Variants in CCDC14 observed in about 807,000 individuals in gnomAD.
The protein encoded by CCDC14 is coiled-coil domain-containing protein 14.
CCDC14 carries 71 observed loss-of-function variants against 81.4 expected under a neutral mutation model. That is an observed-to-expected ratio of 0.87 (90% CI 0.72 to 1.06). The LOEUF is 1.06. Among genes scored for constraint, CCDC14 ranks in the 50% least tolerant of loss-of-function variants. The pLI is 0.00. For synonymous variants in CCDC14, 332 were observed against 364.8 expected (o/e 0.91, Z 1.03); for missense variants, 1,046 against 1,047.3 (o/e 1.00, Z 0.02).
chr3:123,948,652 A>C, intron 7 of CCDC14, 39 bp downstream of exon 7: 1 of 1,443,736 alleles, frequency 6.9e-7, no homozygotes, highest in South Asian at 1.3e-5. Context: ...GACTGCTATA[A>C]GCAAATAGTT....
chr3:123,898,072 G>C (rs553804241), intron 5 of CCDC14, among the ~76,000 whole-genome samples: 3 of 152,332 alleles, frequency 2.0e-5, no homozygotes, highest in Admixed American at 2.0e-4. Flanking sequence ...GATAAGTAGT[G>C]CATTTCTACC....
chr3:123,893,526 GA>G (rs1407173902), downstream of CCDC14, among the ~76,000 whole-genome samples: 1 of 152,074 alleles, frequency 6.6e-6, no homozygotes, highest in Non-Finnish European at 1.5e-5. Flanking sequence ...TGCATAATAT[GA>G]ATATTGGCAT....
In CCDC14 at chr3:123,914,908, G is replaced by A. The variant is rs1242406194; in HGVS notation, c.2589C>T (p.Asp863=). ...ACGTTGAAAACGAAGAGATGCTCCAGTCAGACATCAAGTCAGAAGTGAAAA... is the reference window on the plus strand; with the variant it reads ...ACGTTGAAAACGAAGAGATGCTCCAATCAGACATCAAGTCAGAAGTGAAAA... The part of the protein sequence containing the change: ...GSVFTSDLMS[D]WSISSFSTFT... Residue 863 remains aspartate, a synonymous_variant, in exon 13 of 13, where the codon GAC becomes GAT. Transcript: ENST00000409697. The A allele has an allele frequency of 6.2e-7, 1 of 1,614,020 alleles. No individual in the cohort carries two copies. The highest frequency in any genetic ancestry group is 8.5e-7 in the Non-Finnish European group (1 of 1,179,888).
rs746589544 is a variant in CCDC14 at position 123,915,122 on chromosome 3, T to C, written c.2375A>G (p.Asp792Gly). The C allele has an allele frequency of 6.2e-7, 1 of 1,613,946 alleles. No homozygotes were observed. Among genetic ancestry groups the C allele is most frequent in the Non-Finnish European group, 8.5e-7 (1 of 1,179,856 alleles). Reference protein sequence around the residue: ...ICSSSTKEAEDAPEKLSRASD... With the variant: ...ICSSSTKEAEGAPEKLSRASD... ...TGCTCTGGAAAGTTTTTCAGGTGCA[T>C]CTTCTGCTTCCTTTGTTGAAGAGGA... Residue 792 changes from aspartate (D) to glycine (G), a missense_variant, in exon 13 of 13, where the codon GAT (aspartate) becomes GGT (glycine). By Grantham distance (94) the Asp-to-Gly change is moderately conservative. Coordinates refer to ENST00000409697, the MANE Select transcript of CCDC14 (RefSeq NM_001366335.1).
Position 123,931,335 on chromosome 3 carries a change from C to A in CCDC14, c.1618G>T (p.Asp540Tyr). The A allele has an allele frequency of 6.6e-7, 1 of 1,520,136 alleles. No individual in the cohort carries two copies. Among genetic ancestry groups the A allele is most frequent in the Non-Finnish European group, 8.9e-7 (1 of 1,118,018 alleles). The allele number at this position is 1,520,136 out of a possible 1,614,324, so 94.2% of individuals were successfully genotyped here. A position where few individuals can be genotyped will look rare whatever the true frequency, so the allele number is the denominator to read the frequency against. ...ATTTTTATTCTTGTTATCTCAATAT[C>A]ATATTGCTGTTTATTTTCAAGTATA... ...QTILENKQQY[D>Y]IEITRIKIEL... Residue 540 changes from aspartate to tyrosine, a missense_variant, in exon 11 of 13, where the codon GAT (aspartate) becomes TAT (tyrosine). Transcript: ENST00000409697.
downstream of CCDC14, among the ~76,000 whole-genome samples, chr3:123,912,365 C>T (rs2034467692): frequency 6.6e-6 from 1 of 152,176 alleles, no homozygotes; most frequent in Admixed American, 6.5e-5. Context: ...AAGACGACGA[C>T]TGAGAATGGA....
At chr3:123,931,834 T>C (rs1014154958) in intron 10 of CCDC14, among the ~76,000 whole-genome samples, 2 of 152,276 alleles carry the variant, frequency 1.3e-5, no homozygotes, top group Admixed American at 6.5e-5. Flanking sequence ...CACCACAGAA[T>C]GTCAATGATT....
chr3:123,888,246 C>G, the CCDC14 span, among the ~76,000 whole-genome samples: 1 of 152,010 alleles, frequency 6.6e-6, no homozygotes, highest in Non-Finnish European at 1.5e-5. Context: ...TTATTATGAT[C>G]TTTATTCACT....
chr3:123,899,141 G>C (rs2034131973), intron 5 of CCDC14, among the ~76,000 whole-genome samples: 1 of 152,094 alleles, frequency 6.6e-6, no homozygotes, highest in Admixed American at 6.5e-5. Context: ...TTATTTATTA[G>C]CTTTTCTGAC....
intron 5 of CCDC14, chr3:123,954,968 T>C (rs2037235286): frequency 6.6e-6 from 1 of 152,122 alleles, no homozygotes; most frequent in Admixed American, 6.5e-5. Flanking sequence ...CAAGATGAGT[T>C]AGGTTTCCCT....
At position 123,931,437 on chromosome 3, in the gene CCDC14, C is replaced by T. The variant is rs747852532; in HGVS notation, c.1516G>A (p.Glu506Lys). Residue 506 changes from glutamate to lysine, a missense_variant, in exon 11 of 13, where the codon GAG becomes AAG. Transcript: ENST00000409697. ...SQELLQSKNE[E>K]LLKVIENQKD... ...TGATTTTCAATCACTTTTAACAGCTCTTCATTTTTACTCTGCAGTAATTCC... is the reference window on the plus strand; with the variant it reads ...TGATTTTCAATCACTTTTAACAGCTTTTCATTTTTACTCTGCAGTAATTCC... 6.4e-7 allele frequency: 1 copy of T among 1,567,850 alleles called. No homozygotes were observed. The highest frequency in any genetic ancestry group is 2.3e-5 in the East Asian group (1 of 43,236).
intron 12 of CCDC14, among the ~76,000 whole-genome samples, chr3:123,916,211 C>T (rs9876731): frequency 0.023 from 3,487 of 151,862 alleles, 144 homozygotes; most frequent in African/African-American, 0.078. Flanking sequence ...GTTGGCCAGG[C>T]TGGTCTTAAA....
chr3:123,925,959 A>G (rs2035336205), intron 12 of CCDC14, among the ~76,000 whole-genome samples: 2 of 152,222 alleles, frequency 1.3e-5, no homozygotes, highest in Admixed American at 6.5e-5. Flanking sequence ...TTGTTACTAC[A>G]ACACAAAAAT....
chr3:123,931,927 C>G (rs573995467), intron 10 of CCDC14, among the ~76,000 whole-genome samples: 45 of 152,290 alleles, frequency 3.0e-4, no homozygotes, highest in African/African-American at 9.9e-4. Context: ...CGTGAAAACA[C>G]TTTTACATAT....
intron 10 of CCDC14, among the ~76,000 whole-genome samples, chr3:123,933,161 A>G (rs16834907): frequency 0.11 from 16,769 of 152,176 alleles, 2,076 homozygotes; most frequent in East Asian, 0.42. Flanking sequence ...AGACATATAC[A>G]AAGATTTTCA....
chr3:123,935,046 T>A (rs2035981108), intron 9 of CCDC14, among the ~76,000 whole-genome samples: 1 of 152,116 alleles, frequency 6.6e-6, no homozygotes, highest in Non-Finnish European at 1.5e-5. Flanking sequence ...GCACATATGT[T>A]ATAGACAAGG....
rs1387549206 is a variant in CCDC14 at position 123,914,491 on chromosome 3, A to G, written c.*288T>C. On this transcript the variant is annotated 3_prime_UTR_variant, in exon 13 of 13. Coordinates refer to ENST00000409697, the MANE Select transcript of CCDC14 (RefSeq NM_001366335.1). ...TCAACCTGTACCCTTAATCCAGCAG[A>G]TACATCTTAATAAAAGAACTCTAAT... 1 of 1,040,874 alleles carries G rather than the reference A, an allele frequency of 9.6e-7. No individual in the cohort carries two copies. The highest frequency in any genetic ancestry group is 1.2e-6 in the Non-Finnish European group (1 of 866,336). 64.5% of individuals were successfully genotyped at this position (1,040,874 alleles called of 1,614,324 possible).
At chr3:123,950,953 A>G (rs539442952) in intron 5 of CCDC14, among the ~76,000 whole-genome samples, 64 of 152,192 alleles carry the variant, frequency 4.2e-4, no homozygotes, top group Non-Finnish European at 6.9e-4. Flanking sequence ...AATAGAAAAA[A>G]AATTTAAAGA....
chr3:123,906,733 A>C (rs2034320671), intron 5 of CCDC14, among the ~76,000 whole-genome samples: 1 of 152,216 alleles, frequency 6.6e-6, no homozygotes, highest in Non-Finnish European at 1.5e-5. Context: ...GCTCCATGAC[A>C]CATTTCTTAG....
Sources: allele counts gnomAD v4.1 joint callset (sites outside exome capture counted in the v4.1 genomes callset), GRCh38; gene constraint gnomAD v4.1.1; transcripts MANE v1.5; gene names NCBI Gene and HGNC (gene_info 2026-07-23, HGNC 2026-07-21).